The following TMEM106C variants were observed in gnomAD, a reference collection of about 807,000 sequenced individuals.
TMEM106C encodes endoplasmic reticulum membrane protein overexpressed in cancer.
TMEM106C carries 27 observed loss-of-function variants against 30.8 expected under a neutral mutation model. That is an observed-to-expected ratio of 0.88 (90% CI 0.65 to 1.21). TMEM106C has a LOEUF of 1.21. Among genes scored for constraint, TMEM106C ranks in the 50% most tolerant of loss-of-function variants. TMEM106C has a pLI of 0.00. For missense variants in TMEM106C, 288 were observed against 307.8 expected, an observed-to-expected ratio of 0.94 and a Z score of 0.48; for synonymous variants, 123 against 118.8, an observed-to-expected ratio of 1.04 and a Z score of -0.23.
At chr12:47,966,336 T>A in intron 5 of TMEM106C, 107 bp downstream of exon 5, 2 of 1,324,374 alleles carry the variant, frequency 1.5e-6, no homozygotes, top group East Asian at 2.4e-5. Flanking sequence ...TCATTTCTAC[T>A]TGTAGGAACT....
chr12:47,965,208 A>G (rs190726994), intron 2 of TMEM106C, 74 bp from the exon 3 acceptor site: 117 of 1,185,934 alleles, frequency 9.9e-5, no homozygotes, highest in Non-Finnish European at 1.3e-4. Context: ...TTGTTGTGGC[A>G]GGCTCAAGTG....
At chr12:47,964,703 A>G in intron 2 of TMEM106C, 1 of 441,362 alleles carries the variant, frequency 2.3e-6, no homozygotes, top group Non-Finnish European at 4.1e-6. Context: ...TGACAGGCAC[A>G]TTTCTTTATC....
intron 4 of TMEM106C, 29 bp from the exon 5 acceptor site, chr12:47,966,060 C>A: frequency 6.2e-7 from 1 of 1,613,828 alleles, no homozygotes; most frequent in Non-Finnish European, 8.5e-7. Context: ...AGGACACTTA[C>A]ACTTGTTTCC....
intron 7 of TMEM106C, among the ~76,000 whole-genome samples, chr12:47,967,576 T>C (rs572199603): frequency 6.6e-6 from 1 of 152,340 alleles, no homozygotes; most frequent in South Asian, 2.1e-4. Context: ...TGTTAAGTAC[T>C]GGGCATTTGA....
chr12:47,966,028 TGC>T (rs1938210449), intron 4 of TMEM106C, 31 bp downstream of exon 4: 1 of 1,614,094 alleles, frequency 6.2e-7, no homozygotes, highest in Admixed American at 1.7e-5. Flanking sequence ...CCCTGGGTTG[TGC>T]ACCTGCCAGG....
Position 47,964,856 on chromosome 12 carries a change from C to T in TMEM106C, c.188-426C>T, listed in dbSNP as rs978626940. ...GAGAGACAAATACTTAGCCTTGGTA[C>T]AGGATCATCTATTACTATTAACAAA... On this transcript the variant is annotated intron_variant, in intron 2 of 7. Transcript: ENST00000429772. 1.5e-5 allele frequency: 4 copies of T among 274,666 alleles called. No homozygotes were observed. The Admixed American group carries it at 2.0e-4, about 14-fold the overall frequency. 17.0% of individuals were successfully genotyped at this position (274,666 alleles called of 1,614,324 possible).
At position 47,966,123 on chromosome 12, in the gene TMEM106C, CG is replaced by C. The variant is rs866939245; in HGVS notation, c.448del (p.Val150TrpfsTer3). 1.9e-6 allele frequency: 3 copies of C among 1,614,218 alleles called. No individual in the cohort carries two copies. The Admixed American group carries it at 5.0e-5, about 27-fold the overall frequency. ...TLKIRNSNFY[T>X]VAVTSLSSQI... is the part of the protein sequence containing the mutation. ...AAAATCAGGAACTCCAACTTCTACA[CG>C]GTGGCAGTGACCAGCCTGTCCAGCC... is the stretch of plus-strand genomic sequence containing the variant. On this transcript the variant is annotated frameshift_variant, in exon 5 of 8. Coordinates refer to ENST00000429772, the MANE Select transcript of TMEM106C (RefSeq NM_001143842.2). LOFTEE classifies it high-confidence loss of function.
intron 6 of TMEM106C, 24 bp from the exon 7 acceptor site, chr12:47,967,184 A>C (rs1443999190): frequency 1.9e-6 from 3 of 1,608,998 alleles, no homozygotes; most frequent in Non-Finnish European, 2.5e-6. Context: ...AAAACTGACT[A>C]TTTCCATATT....
At chr12:47,966,038 A>G in intron 4 of TMEM106C, 41 bp downstream of exon 4, 1 of 1,614,182 alleles carries the variant, frequency 6.2e-7, no homozygotes, top group Non-Finnish European at 8.5e-7. Context: ...TGCACCTGCC[A>G]GGCTGGGACC....
In TMEM106C at chr12:47,966,191, A is replaced by G. The variant is rs1938218299; in HGVS notation, c.514A>G (p.Thr172Ala). 4 of 1,614,066 alleles carry G rather than the reference A, an allele frequency of 2.5e-6. No homozygotes were observed. In the South Asian group the frequency reaches 3.3e-5, roughly 13 times the overall value. Residue 172 changes from threonine (T) to alanine (A), a missense_variant, in exon 5 of 8, where the codon ACT becomes GCT. Thr to Ala is a moderately conservative substitution (Grantham distance 58, BLOSUM62 0). Coordinates refer to ENST00000429772, the MANE Select transcript of TMEM106C (RefSeq NM_001143842.2). ...MNTVVSTYVT[T>A]NVSLIPPRSE... Reference sequence around the variant, plus strand: ...CACAGTGGTCAGTACATATGTGACTACTAACGTCTCCCTTATTCCACCTCG... The same window carrying G: ...CACAGTGGTCAGTACATATGTGACTGCTAACGTCTCCCTTATTCCACCTCG...
chr12:47,963,970 G>C, intron 1 of TMEM106C: 1 of 518,040 alleles, frequency 1.9e-6, no homozygotes. Flanking sequence ...ATCGAGGCAG[G>C]TGCGTGAAAG....
chr12:47,966,964 T>A lies in TMEM106C; in HGVS notation c.602+232T>A, dbSNP rs1397764743. The A allele has an allele frequency of 1.4e-5, 9 of 637,816 alleles. No individual in the cohort carries two copies. In the Admixed American group the frequency reaches 2.6e-4, roughly 19 times the overall value. The allele number at this position is 637,816 out of a possible 1,614,324, so 39.5% of individuals were successfully genotyped here. On this transcript the variant is annotated intron_variant, in intron 6 of 7. Coordinates refer to ENST00000429772, the MANE Select transcript of TMEM106C (RefSeq NM_001143842.2). Reference sequence around the variant, plus strand: ...TGCTGGAATTTCTAAAAGAGAACATTAAGCCACTAAAAACGTTACCAAGCT... The same window carrying A: ...TGCTGGAATTTCTAAAAGAGAACATAAAGCCACTAAAAACGTTACCAAGCT...
At chr12:47,966,511 G>T in intron 5 of TMEM106C, 172 bp from the exon 6 acceptor site, 2 of 743,344 alleles carry the variant, frequency 2.7e-6, no homozygotes, top group Non-Finnish European at 2.2e-6. Context: ...CTCTCAAAAG[G>T]GAAGAGGTTG....
rs1307317365 is a variant in TMEM106C at position 47,968,350 on chromosome 12, C to T, written c.*121C>T. 2.6e-6 allele frequency: 2 copies of T among 779,212 alleles called. No individual in the cohort carries two copies. Among genetic ancestry groups the T allele is most frequent in the Non-Finnish European group, 4.5e-6 (2 of 448,936 alleles). The allele number at this position is 779,212 out of a possible 1,614,324, so 48.3% of individuals were successfully genotyped here. On this transcript the variant is annotated 3_prime_UTR_variant, in exon 8 of 8. Coordinates refer to ENST00000429772, the MANE Select transcript of TMEM106C (RefSeq NM_001143842.2). The stretch of plus-strand genomic sequence containing the variant: ...GCAGAGGAGGAATTGGTTCACTTAA[C>T]TCCCAGCAAACATCCTCCTGCCACT...
At chr12:47,965,406 T>A (rs2136480831) in intron 3 of TMEM106C, 61 bp downstream of exon 3, 1 of 1,402,408 alleles carries the variant, frequency 7.1e-7, no homozygotes, top group East Asian at 2.3e-5. Flanking sequence ...TTTCTGTATG[T>A]ATGAATGCCA....
chr12:47,964,703 A>ATT (rs1938161984), intron 2 of TMEM106C: 7 of 441,362 alleles, frequency 1.6e-5, no homozygotes, highest in Non-Finnish European at 2.9e-5. Flanking sequence ...TGACAGGCAC[A>ATT]TTTCTTTATC....
At position 47,965,448 on chromosome 12, in the gene TMEM106C, T is replaced by C; in HGVS notation, c.251+103T>C. On this transcript the variant is annotated intron_variant, in intron 3 of 7. Coordinates refer to ENST00000429772, the MANE Select transcript of TMEM106C (RefSeq NM_001143842.2). Reference sequence around the variant, plus strand: ...TCTTTGAAAACTACACATGTTCTTATAAGTTCCCCATTTTCCTTATAACTG... The same window carrying C: ...TCTTTGAAAACTACACATGTTCTTACAAGTTCCCCATTTTCCTTATAACTG... 8.2e-6 allele frequency: 9 copies of C among 1,099,094 alleles called. No individual in the cohort carries two copies. In the South Asian group the frequency reaches 1.2e-4, roughly 15 times the overall value. 68.1% of individuals were successfully genotyped at this position (1,099,094 alleles called of 1,614,324 possible).
At position 47,968,448 on chromosome 12, in the gene TMEM106C, C is replaced by T; in HGVS notation, c.*219C>T. ...GCAGAATCAGTGCCTAGCCTGTGCC[C>T]AGCAAATAGTTGGCACTCAATAAAG... On this transcript the variant is annotated 3_prime_UTR_variant, in exon 8 of 8. Coordinates refer to ENST00000429772, the MANE Select transcript of TMEM106C (RefSeq NM_001143842.2). The T allele has an allele frequency of 3.2e-6, 2 of 633,542 alleles. No homozygotes were observed. The highest frequency in any genetic ancestry group is 5.8e-6 in the Non-Finnish European group (2 of 343,996). 39.2% of individuals were successfully genotyped at this position (633,542 alleles called of 1,614,324 possible).
chr12:47,968,053 C>CA, intron 7 of TMEM106C, 80 bp from the exon 8 acceptor site: 1 of 1,213,942 alleles, frequency 8.2e-7, no homozygotes, highest in Admixed American at 1.7e-5. Flanking sequence ...TCTGAACTTG[C>CA]AAAAAATTTC....
Sources: gnomAD v4.1 joint callset for allele counts (sites outside exome capture counted in the v4.1 genomes callset) on GRCh38, gnomAD v4.1.1 for gene constraint, MANE v1.5 for transcripts, NCBI Gene and HGNC (gene_info 2026-07-23, HGNC 2026-07-21) for gene names.